The following ARHGEF10L variants were observed in gnomAD, a reference collection of about 807,000 sequenced individuals.
ARHGEF10L encodes rho guanine nucleotide exchange factor 10-like protein.
Under a neutral mutation model 141.2 loss-of-function variants are expected in ARHGEF10L, and 69 were observed. The ratio of observed to expected loss-of-function variants is 0.49; its 90% confidence interval spans 0.40 to 0.60. The LOEUF is 0.60. ARHGEF10L is among the 20% of genes least tolerant of loss of function. The pLI is 0.00. For synonymous variants in ARHGEF10L, 711 were observed against 718.5 expected (o/e 0.99, Z 0.17); for missense variants, 1,482 against 1,734.3 (o/e 0.85, Z 2.58).
At chr1:17,680,228 A>AG (rs1476740122) in intron 26 of ARHGEF10L, among the ~76,000 whole-genome samples, 2 of 152,172 alleles carry the variant, frequency 1.3e-5, no homozygotes, top group Admixed American at 1.3e-4. Context: ...GGGTACCTGT[A>AG]AAGTAGAAGC....
rs1571294871 is a variant in ARHGEF10L at position 17,654,767 on chromosome 1, G to A, written c.2481+45G>A. ...AGCTGGGCATTCTGGCCTCAGGACA[G>A]GAGTAGGGAGAGCGGCACCTGGGAG... On this transcript the variant is annotated intron_variant, in intron 23 of 28. Transcript: ENST00000361221. This position sits in a 1 kb window ranked among gnomAD's most constrained non-coding sequence, Gnocchi z 4.3. 4.5e-6 allele frequency: 7 copies of A among 1,564,620 alleles called. 1 individual carries two copies. Among genetic ancestry groups the A allele is most frequent in the East Asian group, 2.2e-5 (1 of 44,652 alleles).
chr1:17,646,911 TG>T (rs1360793408), intron 21 of ARHGEF10L, among the ~76,000 whole-genome samples: 1 of 151,970 alleles, frequency 6.6e-6, no homozygotes, highest in Non-Finnish European at 1.5e-5. Context: ...GATCTTATTC[TG>T]GGCTGACTGG....
intron 8 of ARHGEF10L, among the ~76,000 whole-genome samples, chr1:17,614,022 C>T (rs1020131809): frequency 1.3e-5 from 2 of 152,216 alleles, no homozygotes; most frequent in Non-Finnish European, 2.9e-5. Flanking sequence ...GCCTGACCGC[C>T]CTGTCCTTGT....
In ARHGEF10L at chr1:17,623,981, C is replaced by T. The variant is rs1295020741; in HGVS notation, c.1201-406C>T. Among the ~76,000 whole-genome samples the T allele has an allele frequency of 2.6e-5, 4 of 152,164 alleles. No individual in the cohort carries two copies. Among genetic ancestry groups the T allele is most frequent in the African/African-American group, 9.7e-5 (4 of 41,436 alleles). ...CTGGGCACGCTGCCCGGTGAGAGGC[C>T]AGGAGCACTTTCCTTAAAGGTGGAG... On this transcript the variant is annotated intron_variant, in intron 12 of 28. Coordinates refer to ENST00000361221, the MANE Select transcript of ARHGEF10L (RefSeq NM_018125.4). This position sits in a 1 kb window ranked among gnomAD's most constrained non-coding sequence, Gnocchi z 4.7.
chr1:17,641,750 G>A (rs1038578272), intron 21 of ARHGEF10L, among the ~76,000 whole-genome samples: 6 of 151,886 alleles, frequency 4.0e-5, no homozygotes, highest in African/African-American at 1.2e-4. Context: ...AGGCCGAGGC[G>A]GGCAGATCAC....
Position 17,656,452 on chromosome 1 carries a change from G to A in ARHGEF10L, c.2706-102G>A. ...ACACAGCCGAAAGGCGTGGCTGAGA[G>A]GGGTCAGCTCCCTGGGGCCCTCTCC... On this transcript the variant is annotated intron_variant, in intron 24 of 28. Transcript: ENST00000361221. The surrounding 1 kb of genome is among the most constrained non-coding windows in gnomAD (Gnocchi z 4.9). 5.0e-6 allele frequency: 7 copies of A among 1,413,174 alleles called. No homozygotes were observed. The highest frequency in any genetic ancestry group is 5.8e-6 in the Non-Finnish European group (6 of 1,035,816). The allele number at this position is 1,413,174 out of a possible 1,614,324, so 87.5% of individuals were successfully genotyped here. A position where few individuals can be genotyped will look rare whatever the true frequency, so the allele number is the denominator to read the frequency against.
In ARHGEF10L at chr1:17,619,055, C is replaced by T. The variant is rs574341739; in HGVS notation, c.836-284C>T. ...CAGTGGCTTCTGGCAGCATGGACGCCGAGAACCCAGGCCCCACAGGACGCA... is the reference window on the plus strand; with the variant it reads ...CAGTGGCTTCTGGCAGCATGGACGCTGAGAACCCAGGCCCCACAGGACGCA... On this transcript the variant is annotated intron_variant, in intron 9 of 28. Transcript: ENST00000361221. The surrounding 1 kb of genome is among the most constrained non-coding windows in gnomAD (Gnocchi z 5.0). Among the ~76,000 whole-genome samples, 2 of 152,234 alleles carry T rather than the reference C, an allele frequency of 1.3e-5. No individual in the cohort carries two copies. Among genetic ancestry groups the T allele is most frequent in the South Asian group, 2.1e-4 (1 of 4,816 alleles).
At chr1:17,526,173 C>T in the ARHGEF10L span, among the ~76,000 whole-genome samples, 12 of 152,120 alleles carry the variant, frequency 7.9e-5, no homozygotes, top group Non-Finnish European at 1.6e-4. Flanking sequence ...GGGTTCCCTG[C>T]CAGTGCTCCC....
At chr1:17,677,560 T>C (rs1330776605) in intron 26 of ARHGEF10L, among the ~76,000 whole-genome samples, 2 of 152,166 alleles carry the variant, frequency 1.3e-5, no homozygotes, top group African/African-American at 4.8e-5. Context: ...CCTGCCCTCA[T>C]GGACCTGCCT....
Position 17,654,488 on chromosome 1 carries a change from AGGCAC to A in ARHGEF10L, c.2395-147_2395-143del. 1.3e-6 allele frequency: 1 copy of A among 748,096 alleles called. No individual in the cohort carries two copies. The highest frequency in any genetic ancestry group is 2.4e-6 in the Non-Finnish European group (1 of 412,052). 46.3% of individuals were successfully genotyped at this position (748,096 alleles called of 1,614,324 possible). ...GCGTGTAGGAACTGCCTGGAGAAGC[AGGCAC>A]TCGTGAAGCATGTTGCTTTCCTGGC... On this transcript the variant is annotated intron_variant, in intron 22 of 28. Transcript: ENST00000361221. This position sits in a 1 kb window ranked among gnomAD's most constrained non-coding sequence, Gnocchi z 4.3.
chr1:17,530,122 C>T, the ARHGEF10L span, among the ~76,000 whole-genome samples: 34 of 152,184 alleles, frequency 2.2e-4, no homozygotes, highest in African/African-American at 4.8e-4. Context: ...TGTGAGCCAC[C>T]GCACCTGGCC....
In ARHGEF10L at chr1:17,539,875, C is replaced by T. The variant is rs2076650465; in HGVS notation, c.-119C>T. The T allele has an allele frequency of 6.7e-6, 1 of 149,502 alleles. No individual in the cohort carries two copies. Among genetic ancestry groups the T allele is most frequent in the Middle Eastern group, 3.4e-3 (1 of 292 alleles). 9.3% of individuals were successfully genotyped at this position (149,502 alleles called of 1,614,324 possible). Reference sequence around the variant, plus strand: ...TGGGCGCCCGCGGCGGCCTGCGGAGCTGGAGGCGCGGCGCCGGCCGCCAGG... The same window carrying T: ...TGGGCGCCCGCGGCGGCCTGCGGAGTTGGAGGCGCGGCGCCGGCCGCCAGG... On this transcript the variant is annotated 5_prime_UTR_variant, in exon 1 of 29. Coordinates refer to ENST00000361221, the MANE Select transcript of ARHGEF10L (RefSeq NM_018125.4). The surrounding 1 kb of genome is among the most constrained non-coding windows in gnomAD (Gnocchi z 6.0).
chr1:17,523,695 G>A, the ARHGEF10L span, among the ~76,000 whole-genome samples: 37 of 152,180 alleles, frequency 2.4e-4, no homozygotes, highest in Admixed American at 6.5e-4. Flanking sequence ...TTCCCACTCA[G>A]TGCCTTTGGG....
At chr1:17,565,252 C>G (rs752560137) in intron 1 of ARHGEF10L, among the ~76,000 whole-genome samples, 9 of 152,210 alleles carry the variant, frequency 5.9e-5, no homozygotes, top group Non-Finnish European at 1.2e-4. Context: ...CAAAGCCCCA[C>G]TGCCTAATCC....
At chr1:17,610,663 G>T (rs971600019) in intron 7 of ARHGEF10L, among the ~76,000 whole-genome samples, 1 of 152,224 alleles carries the variant, frequency 6.6e-6, no homozygotes, top group Non-Finnish European at 1.5e-5. Flanking sequence ...GGCCACTGCT[G>T]CTTGGCTATG....
Position 17,654,499 on chromosome 1 carries a change from A to G in ARHGEF10L, c.2395-137A>G. The G allele has an allele frequency of 1.3e-6, 1 of 777,914 alleles. No individual in the cohort carries two copies. The highest frequency in any genetic ancestry group is 1.7e-5 in the Admixed American group (1 of 57,660). 48.2% of individuals were successfully genotyped at this position (777,914 alleles called of 1,614,324 possible). ...CTGCCTGGAGAAGCAGGCACTCGTGAAGCATGTTGCTTTCCTGGCCCCCAC... is the reference window on the plus strand; with the variant it reads ...CTGCCTGGAGAAGCAGGCACTCGTGGAGCATGTTGCTTTCCTGGCCCCCAC... On this transcript the variant is annotated intron_variant, in intron 22 of 28. Transcript: ENST00000361221. The surrounding 1 kb of genome is among the most constrained non-coding windows in gnomAD (Gnocchi z 4.3).
Position 17,625,039 on chromosome 1 carries a change from A to G in ARHGEF10L, c.1317+536A>G, listed in dbSNP as rs528363813. Among the ~76,000 whole-genome samples, 3 of 152,342 alleles carry G rather than the reference A, an allele frequency of 2.0e-5. No individual in the cohort carries two copies. The highest frequency in any genetic ancestry group is 3.9e-4 in the East Asian group (2 of 5,170). On this transcript the variant is annotated intron_variant, in intron 13 of 28. Coordinates refer to ENST00000361221, the MANE Select transcript of ARHGEF10L (RefSeq NM_018125.4). The surrounding 1 kb of genome is among the most constrained non-coding windows in gnomAD (Gnocchi z 4.5). Reference sequence around the variant, plus strand: ...GCCTGTAGGGAGCCTGCTGGCTGGCAGAGGATGCAACTGGGCTAGGTGCCA... The same window carrying G: ...GCCTGTAGGGAGCCTGCTGGCTGGCGGAGGATGCAACTGGGCTAGGTGCCA...
Position 17,675,456 on chromosome 1 carries a change from T to G in ARHGEF10L, c.3009+10861T>G, listed in dbSNP as rs566072911. ...GTGCAGGTGTGGGTGTAGGTGTGGG[T>G]GCAGGTGTGGGTACAGGTGTGTGTG... On this transcript the variant is annotated intron_variant, in intron 26 of 28. Coordinates refer to ENST00000361221, the MANE Select transcript of ARHGEF10L (RefSeq NM_018125.4). Among the ~76,000 whole-genome samples the G allele has an allele frequency of 3.3e-5, 5 of 151,384 alleles. No individual in the cohort carries two copies. In the South Asian group the frequency reaches 1.0e-3, roughly 32 times the overall value.
the ARHGEF10L span, among the ~76,000 whole-genome samples, chr1:17,527,079 G>A: frequency 2.0e-5 from 3 of 152,082 alleles, no homozygotes; most frequent in African/African-American, 7.2e-5. Flanking sequence ...AGTTGTTCTG[G>A]AAACTACAAA....
Sources: gnomAD v4.1 joint callset for allele counts (sites outside exome capture counted in the v4.1 genomes callset) on GRCh38, gnomAD v4.1.1 for gene constraint, Gnocchi (gnomAD v3.1) non-coding constraint, MANE v1.5 for transcripts, NCBI Gene and HGNC (gene_info 2026-07-23, HGNC 2026-07-21) for gene names.